The following NCKAP5 variants were observed in gnomAD, a reference collection of about 807,000 sequenced individuals.
NCKAP5 encodes nck-associated protein 5.
A neutral mutation model predicts 167.0 loss-of-function variants in NCKAP5; 92 were observed. The ratio of observed to expected loss-of-function variants is 0.55; its 90% CI spans 0.47 to 0.66. NCKAP5 has a LOEUF of 0.66. Ranked by LOEUF, NCKAP5 falls within the 30% of genes least tolerant of loss-of-function variation. The probability of loss-of-function intolerance (pLI) is 0.00; values close to 1 mark genes in which losing one functional copy is unlikely to be tolerated. For synonymous variants in NCKAP5, 891 were observed against 877.4 expected (o/e 1.02, Z -0.27); for missense variants, 2,378 against 2,315.0 (o/e 1.03, Z -0.56).
intron 3 of NCKAP5, chr2:133,433,585 A>T (rs1281528163): frequency 6.6e-6 from 1 of 152,226 alleles, no homozygotes; most frequent in Non-Finnish European, 1.5e-5. Flanking sequence ...CAGGCCAATA[A>T]ATAATGAGCT....
chr2:133,241,361 T>G (rs2087698392), intron 4 of NCKAP5, among the ~76,000 whole-genome samples: 1 of 152,242 alleles, frequency 6.6e-6, no homozygotes, highest in Non-Finnish European at 1.5e-5. Context: ...CAAAGTATTT[T>G]ACAAACATGA....
the NCKAP5 span, among the ~76,000 whole-genome samples, chr2:133,579,760 G>A: frequency 1.3e-5 from 2 of 152,062 alleles, no homozygotes; most frequent in Non-Finnish European, 2.9e-5. Context: ...TCAATATTTC[G>A]ATGACATTCC....
At chr2:133,122,557 G>C (rs2082282409) in intron 6 of NCKAP5, 1 of 152,154 alleles carries the variant, frequency 6.6e-6, no homozygotes. Context: ...AGCAATCTTG[G>C]TTATATGTTC....
intron 8 of NCKAP5, among the ~76,000 whole-genome samples, chr2:132,927,469 A>T (rs541477156): frequency 1.3e-5 from 2 of 152,214 alleles, no homozygotes; most frequent in African/African-American, 4.8e-5. Flanking sequence ...TAGTCATTTT[A>T]ACAATATTAA....
At chr2:133,528,762 T>C (rs1207388107) in intron 2 of NCKAP5, among the ~76,000 whole-genome samples, 1 of 152,196 alleles carries the variant, frequency 6.6e-6, no homozygotes, top group Non-Finnish European at 1.5e-5. Context: ...CCTAGAATCT[T>C]AGGTTTAAAT....
At chr2:132,790,381 C>A (rs113989249) in intron 12 of NCKAP5, among the ~76,000 whole-genome samples, 176 bp from the exon 13 acceptor site, 1 of 152,146 alleles carries the variant, frequency 6.6e-6, no homozygotes, top group South Asian at 2.1e-4. Context: ...GTACACCTAA[C>A]GCACAGAACA....
rs764415865 is a variant in NCKAP5 at position 132,785,494 on chromosome 2, A to C, written c.1317T>G (p.Pro439=). Residue 439 remains proline, a synonymous_variant, in exon 14 of 20, where the codon CCT becomes CCG. Transcript: ENST00000409261. ...CCTTGAGGCTGCTACTTTTAATTCC[A>C]GGAGAATATATTCCTTCATTCGAGT... The part of the protein sequence containing the change: ...CMNSNEGIYS[P]GIKSSSLKEY... The C allele has an allele frequency of 2.5e-6, 4 of 1,613,016 alleles. No homozygotes were observed. The highest frequency in any genetic ancestry group is 1.3e-5 in the African/African-American group (1 of 74,882).
chr2:133,600,126 C>T, the NCKAP5 span, among the ~76,000 whole-genome samples: 7 of 152,220 alleles, frequency 4.6e-5, no homozygotes, highest in Non-Finnish European at 7.3e-5. Flanking sequence ...AGGATGTGCT[C>T]AGAAAGGCCA....
chr2:133,253,700 C>T (rs1298603778), intron 4 of NCKAP5, among the ~76,000 whole-genome samples: 1 of 152,120 alleles, frequency 6.6e-6, no homozygotes, highest in Non-Finnish European at 1.5e-5. Flanking sequence ...GTCTCAGTTT[C>T]CTTATATGTA....
intron 5 of NCKAP5, among the ~76,000 whole-genome samples, chr2:133,179,674 A>G (rs998751988): frequency 5.3e-5 from 8 of 152,208 alleles, no homozygotes; most frequent in Non-Finnish European, 7.3e-5. Flanking sequence ...ACAAGAACTA[A>G]AAGAAAATTT....
intron 5 of NCKAP5, among the ~76,000 whole-genome samples, chr2:133,176,817 T>C (rs1371656315): frequency 6.6e-6 from 1 of 152,200 alleles, no homozygotes; most frequent in African/African-American, 2.4e-5. Context: ...GGTTACAGTC[T>C]CTCTTGCAGG....
chr2:133,369,696 C>A, intron 3 of NCKAP5, among the ~76,000 whole-genome samples: 1 of 152,208 alleles, frequency 6.6e-6, no homozygotes, highest in South Asian at 2.1e-4. Flanking sequence ...CATAAACAAG[C>A]AAAATTCATC....
chr2:133,129,102 T>TTTA (rs2082505635), intron 6 of NCKAP5, among the ~76,000 whole-genome samples: 1 of 151,394 alleles, frequency 6.6e-6, no homozygotes, highest in Non-Finnish European at 1.5e-5. Flanking sequence ...CTTTTTTTTT[T>TTTA]TTATTATTAT....
chr2:133,451,007 A>T (rs1435561), intron 3 of NCKAP5, among the ~76,000 whole-genome samples: 11,272 of 152,206 alleles, frequency 0.074, 742 homozygotes, highest in East Asian at 0.25. Context: ...CCCAAAATGT[A>T]TGCCAACCTG....
intron 19 of NCKAP5, among the ~76,000 whole-genome samples, chr2:132,707,650 T>C (rs569129979): frequency 6.6e-6 from 1 of 152,326 alleles, no homozygotes; most frequent in Admixed American, 6.5e-5. Context: ...ACTGGTGATG[T>C]AAGCGTGAGC....
At chr2:133,088,702 T>G (rs561375683) in intron 6 of NCKAP5, among the ~76,000 whole-genome samples, 1 of 152,276 alleles carries the variant, frequency 6.6e-6, no homozygotes, top group African/African-American at 2.4e-5. Flanking sequence ...CAACATTATT[T>G]CAAGAAAAAA....
chr2:132,762,961 C>A (rs1453626466), intron 16 of NCKAP5, among the ~76,000 whole-genome samples: 2 of 152,126 alleles, frequency 1.3e-5, no homozygotes, highest in Non-Finnish European at 2.9e-5. Context: ...GGTAGGGAGT[C>A]CTTTGGCAAT....
At chr2:132,970,914 TG>T (rs1484377482) in intron 7 of NCKAP5, among the ~76,000 whole-genome samples, 1 of 152,208 alleles carries the variant, frequency 6.6e-6, no homozygotes, top group African/African-American at 2.4e-5. Flanking sequence ...AATGTGTAAA[TG>T]TGACTTCTCC....
chr2:133,632,119 G>T, the NCKAP5 span, among the ~76,000 whole-genome samples: 1 of 152,220 alleles, frequency 6.6e-6, no homozygotes, highest in African/African-American at 2.4e-5. Context: ...CCAAGCTGCA[G>T]TGGTGATGTC....
Sources: gnomAD v4.1 joint callset for allele counts (sites outside exome capture counted in the v4.1 genomes callset) on GRCh38, gnomAD v4.1.1 for gene constraint, MANE v1.5 for transcripts, NCBI Gene and HGNC (gene_info 2026-07-23, HGNC 2026-07-21) for gene names.